NELL1: variants seen among roughly 807,000 people sequenced by gnomAD.
NELL1 encodes neural EGFL like 1.
NELL1 carries 76 observed loss-of-function variants against 107.4 expected under a neutral mutation model. The ratio of observed to expected loss-of-function variants is 0.71; its 90% CI spans 0.59 to 0.86. The LOEUF is 0.86. Ranked by LOEUF, NELL1 falls within the 40% of genes least tolerant of loss-of-function variation. The pLI is 0.00. For missense variants in NELL1, 1,024 were observed against 1,005.5 expected, an observed-to-expected ratio of 1.02 and a Z score of -0.25; for synonymous variants, 353 against 341.2, an observed-to-expected ratio of 1.03 and a Z score of -0.38.
chr11:21,164,239 A>G, intron 13 of NELL1, among the ~76,000 whole-genome samples: 1 of 152,318 alleles, frequency 6.6e-6, no homozygotes, highest in Non-Finnish European at 1.5e-5. Flanking sequence ...GTTTTTATAT[A>G]TGGGTTTTTT....
chr11:21,173,446 A>G lies in NELL1; in HGVS notation c.1427-55886A>G, dbSNP rs149648772. Among the ~76,000 whole-genome samples the G allele has an allele frequency of 1.5e-3, 227 of 151,892 alleles. 2 individuals are homozygous for G. Among genetic ancestry groups the G allele is most frequent in the East Asian group, 2.3e-3 (12 of 5,192 alleles). On this transcript the variant is annotated intron_variant, in intron 13 of 19. Coordinates refer to ENST00000357134, the MANE Select transcript of NELL1 (RefSeq NM_006157.5). ...ACAGCTTATGTACTTTGCCACAGGG[A>G]GAATGATACTTTTTCTTTCCTATCA...
intron 13 of NELL1, among the ~76,000 whole-genome samples, chr11:21,144,018 G>A (rs1156915415): frequency 6.6e-6 from 1 of 152,180 alleles, no homozygotes; most frequent in East Asian, 1.9e-4. Context: ...ACAGGAATGG[G>A]TTAAGTATAA....
chr11:20,885,966 C>T (rs532958738), intron 5 of NELL1, among the ~76,000 whole-genome samples: 1 of 152,334 alleles, frequency 6.6e-6, no homozygotes, highest in South Asian at 2.1e-4. Flanking sequence ...AAATACATCT[C>T]TGCTTCCTTG....
chr11:20,699,104 C>T (rs1010050071), intron 2 of NELL1, among the ~76,000 whole-genome samples: 4 of 151,510 alleles, frequency 2.6e-5, no homozygotes, highest in African/African-American at 9.8e-5. Flanking sequence ...GTAGCCCTAG[C>T]TACTCGGGAG....
At chr11:20,763,849 G>A (rs1856475112) in intron 2 of NELL1, among the ~76,000 whole-genome samples, 1 of 152,170 alleles carries the variant, frequency 6.6e-6, no homozygotes, top group Admixed American at 6.5e-5. Flanking sequence ...TGTGGGGCCT[G>A]GGTGAGTGTG....
chr11:21,021,710 A>C (rs1416929346), intron 12 of NELL1, among the ~76,000 whole-genome samples: 1 of 152,094 alleles, frequency 6.6e-6, no homozygotes. Context: ...TGATAGGCCC[A>C]TTTGCAAATC....
intron 1 of NELL1, among the ~76,000 whole-genome samples, chr11:20,671,530 T>C (rs1853909381): frequency 6.6e-6 from 1 of 152,232 alleles, no homozygotes; most frequent in African/African-American, 2.4e-5. Context: ...TCATTGCTTG[T>C]GGAAGGGGTC....
intron 14 of NELL1, among the ~76,000 whole-genome samples, chr11:21,275,177 A>C (rs1848826814): frequency 6.6e-6 from 1 of 152,344 alleles, no homozygotes; most frequent in African/African-American, 2.4e-5. Flanking sequence ...AAGAAAGGAG[A>C]GAAGAATCAA....
intron 16 of NELL1, among the ~76,000 whole-genome samples, chr11:21,546,322 G>C (rs1012849212): frequency 6.6e-6 from 1 of 151,976 alleles, no homozygotes; most frequent in East Asian, 1.9e-4. Context: ...TTGAGGCTCA[G>C]TGTGAGCAAT....
intron 15 of NELL1, among the ~76,000 whole-genome samples, chr11:21,381,142 G>C (rs1046201602): frequency 5.9e-5 from 9 of 151,954 alleles, no homozygotes; most frequent in Non-Finnish European, 1.2e-4. Flanking sequence ...TTTTGTCTGT[G>C]CCCAAGGGCA....
chr11:20,755,865 G>GTTT lies in NELL1; in HGVS notation c.185-27774_185-27772dup, dbSNP rs574606148. Among the ~76,000 whole-genome samples the GTTT allele has an allele frequency of 1.7e-3, 207 of 122,038 alleles. 3 individuals carry two copies. Among genetic ancestry groups the GTTT allele is most frequent in the Non-Finnish European group, 2.4e-3 (140 of 59,434 alleles). The allele number at this position is 122,038 out of a possible 152,430, so 80.1% of individuals were successfully genotyped here. On this transcript the variant is annotated intron_variant, in intron 2 of 19. Transcript: ENST00000357134. ...GCCACCACGCCCAGCCAGACCTGCG[G>GTTT]TTTTTTTTTTTTTTTTTTTTTTTTT...
intron 3 of NELL1, among the ~76,000 whole-genome samples, chr11:20,830,836 A>G (rs946152185): frequency 6.6e-6 from 1 of 152,116 alleles, no homozygotes; most frequent in Non-Finnish European, 1.5e-5. Context: ...AGAACTCACT[A>G]CTATGTGAAA....
chr11:20,712,796 G>A (rs1393686907), intron 2 of NELL1, among the ~76,000 whole-genome samples: 2 of 152,202 alleles, frequency 1.3e-5, no homozygotes, highest in Non-Finnish European at 2.9e-5. Flanking sequence ...GCTGGTGCTG[G>A]AGAATGTTTG....
intron 15 of NELL1, among the ~76,000 whole-genome samples, chr11:21,477,773 G>A (rs1425334039): frequency 6.6e-6 from 1 of 151,068 alleles, no homozygotes; most frequent in African/African-American, 2.4e-5. Flanking sequence ...GCTGTTTTGA[G>A]GAAACTCAGT....
chr11:21,309,729 A>G (rs969006050), intron 14 of NELL1, among the ~76,000 whole-genome samples: 1 of 152,014 alleles, frequency 6.6e-6, no homozygotes, highest in African/African-American at 2.4e-5. Flanking sequence ...CACGTCTTAT[A>G]TGGATGGCGT....
At chr11:21,543,445 A>G (rs1482787470) in intron 16 of NELL1, among the ~76,000 whole-genome samples, 1 of 152,018 alleles carries the variant, frequency 6.6e-6, no homozygotes, top group African/African-American at 2.4e-5. Context: ...GGACAGAGAG[A>G]CCAAGACCCA....
At chr11:21,142,274 C>T (rs1167041537) in intron 13 of NELL1, among the ~76,000 whole-genome samples, 1 of 152,180 alleles carries the variant, frequency 6.6e-6, no homozygotes, top group Non-Finnish European at 1.5e-5. Flanking sequence ...AATGAACTAT[C>T]CACAGCATTA....
intron 19 of NELL1, among the ~76,000 whole-genome samples, 190 bp from the exon 20 acceptor site, chr11:21,574,782 G>A (rs921572454): frequency 5.3e-5 from 8 of 151,734 alleles, no homozygotes; most frequent in Admixed American, 2.6e-4. Flanking sequence ...TACCCTGGAG[G>A]GTCTGTCAGT....
intron 15 of NELL1, among the ~76,000 whole-genome samples, chr11:21,409,102 A>G (rs1852305311): frequency 1.3e-5 from 2 of 152,118 alleles, no homozygotes; most frequent in African/African-American, 4.8e-5. Flanking sequence ...AAGGACTATA[A>G]ATCATGCTGC....
Sources: allele counts gnomAD v4.1 joint callset (sites outside exome capture counted in the v4.1 genomes callset), GRCh38; gene constraint gnomAD v4.1.1; transcripts MANE v1.5; gene names NCBI Gene and HGNC (gene_info 2026-07-23, HGNC 2026-07-21).